Variants in KIF13B observed in about 807,000 individuals in gnomAD.
KIF13B encodes kinesin family member 13B.
KIF13B carries 127 observed loss-of-function variants against 222.0 expected under a neutral mutation model. The ratio of observed to expected loss-of-function variants is 0.57; its 90% CI spans 0.50 to 0.66. KIF13B has a LOEUF of 0.66. KIF13B is among the 30% of genes least tolerant of loss of function. KIF13B has a pLI of 0.00. For missense variants in KIF13B, 2,173 were observed against 2,379.0 expected (o/e 0.91, Z 1.80); for synonymous variants, 976 against 919.0 (o/e 1.06, Z -1.12).
intron 2 of KIF13B, among the ~76,000 whole-genome samples, chr8:29,241,600 T>C (rs1261705679): frequency 1.3e-5 from 2 of 150,498 alleles, no homozygotes; most frequent in African/African-American, 4.9e-5. Context: ...TTTGTGCTGG[T>C]GGCACGAACA....
intron 2 of KIF13B, among the ~76,000 whole-genome samples, chr8:29,237,564 T>C (rs1282031367): frequency 6.6e-6 from 1 of 152,164 alleles, no homozygotes; most frequent in African/African-American, 2.4e-5. Flanking sequence ...TTTTAAAAAG[T>C]TTATTCCTTC....
chr8:29,140,694 C>G (rs1225941216), intron 19 of KIF13B, 77 bp from the exon 20 acceptor site: 13 of 1,266,552 alleles, frequency 1.0e-5, no homozygotes, highest in African/African-American at 1.5e-5. Context: ...CTTTTTGATG[C>G]ACTCTAGGTT....
chr8:29,084,167 CG>C (rs1397418654), intron 37 of KIF13B, among the ~76,000 whole-genome samples: 1 of 152,196 alleles, frequency 6.6e-6, no homozygotes, highest in African/African-American at 2.4e-5. Context: ...CCGCCCACCT[CG>C]GCCTCCCAAA....
At chr8:29,093,419 T>C (rs1166823586) in intron 36 of KIF13B, among the ~76,000 whole-genome samples, 2 of 152,224 alleles carry the variant, frequency 1.3e-5, no homozygotes, top group African/African-American at 4.8e-5. Context: ...CTTACGTTCT[T>C]ACCTGCTGTT....
intron 18 of KIF13B, among the ~76,000 whole-genome samples, chr8:29,143,719 G>A (rs987800742): frequency 3.3e-5 from 5 of 151,942 alleles, no homozygotes; most frequent in African/African-American, 7.3e-5. Flanking sequence ...GGTGGTGGGC[G>A]CCTGTAGTCC....
intron 35 of KIF13B, among the ~76,000 whole-genome samples, chr8:29,106,626 C>A: frequency 1.2e-5 from 1 of 84,024 alleles, no homozygotes; most frequent in African/African-American, 4.9e-5. Flanking sequence ...GAGCGAAACT[C>A]TGTCTCAAAA....
rs755976005 is a variant in KIF13B at position 29,132,448 on chromosome 8, G to C, written c.2802C>G (p.Ile934Met). The C allele has an allele frequency of 3.3e-6, 5 of 1,530,140 alleles. No homozygotes were observed. Among genetic ancestry groups the C allele is most frequent in the Non-Finnish European group, 4.4e-6 (5 of 1,135,768 alleles). 94.8% of individuals were successfully genotyped at this position (1,530,140 alleles called of 1,614,324 possible). A position where few individuals can be genotyped will look rare whatever the true frequency, so the allele number is the denominator to read the frequency against. Residue 934 changes from isoleucine (I) to methionine (M), a missense_variant, in exon 23 of 40, where the codon ATC becomes ATG. Ile to Met is a conservative substitution (Grantham distance 10). Coordinates refer to ENST00000524189, the MANE Select transcript of KIF13B (RefSeq NM_015254.4). The stretch of plus-strand genomic sequence containing the variant: ...AAAGATGCTCGATAAAGTCTTCGGT[G>C]ATGTTAACAGAAAACTCCTGAAACA... ...FDHCNEFSVNITEDFIEHLSE... is the reference protein window; with the variant it reads ...FDHCNEFSVNMTEDFIEHLSE...
chr8:29,118,921 C>T lies in KIF13B; in HGVS notation c.3607G>A (p.Glu1203Lys). ...AGGWDATLTG[E>K]EEEEFFELQI... Reference sequence around the variant, plus strand: ...AATTCAAAGAACTCCTCTTCTTCTTCCCCAGTCAAGGTCGCATCCCATCCA... The same window carrying T: ...AATTCAAAGAACTCCTCTTCTTCTTTCCCAGTCAAGGTCGCATCCCATCCA... The change falls in exon 30 of 40, where the codon GAA becomes AAA. Residue 1203 changes from glutamate to lysine, a missense_variant. Glu to Lys is a moderately conservative substitution (Grantham distance 56). Around this residue, in one of 2 missense-constraint regions of KIF13B, gnomAD observed 1,480 missense variants for 1,722.8 expected, o/e 0.86. Transcript: ENST00000524189. 6.2e-7 allele frequency: 1 copy of T among 1,613,950 alleles called. No individual in the cohort carries two copies. Among genetic ancestry groups the T allele is most frequent in the Non-Finnish European group, 8.5e-7 (1 of 1,179,844 alleles).
intron 14 of KIF13B, among the ~76,000 whole-genome samples, chr8:29,154,613 T>G (rs1181788245): frequency 6.6e-6 from 1 of 152,134 alleles, no homozygotes; most frequent in Non-Finnish European, 1.5e-5. Context: ...GGTGAAGAAG[T>G]AGCAGTCACT....
At chr8:29,244,536 C>A (rs1468275988) in intron 2 of KIF13B, among the ~76,000 whole-genome samples, 3 of 152,170 alleles carry the variant, frequency 2.0e-5, no homozygotes, top group Non-Finnish European at 2.9e-5. Context: ...TCTACATTGC[C>A]AATCAACAAC....
intron 2 of KIF13B, among the ~76,000 whole-genome samples, chr8:29,229,374 T>C (rs1200934874): frequency 6.6e-6 from 1 of 152,214 alleles, no homozygotes; most frequent in Non-Finnish European, 1.5e-5. Flanking sequence ...CATGTGACCC[T>C]GGGAAGCCTT....
intron 25 of KIF13B, 99 bp downstream of exon 25, chr8:29,127,023 G>T: frequency 9.6e-7 from 1 of 1,046,500 alleles, no homozygotes; most frequent in Non-Finnish European, 1.4e-6. Flanking sequence ...GAGATTCACG[G>T]AAAGAAATGT....
intron 10 of KIF13B, among the ~76,000 whole-genome samples, 187 bp downstream of exon 10, chr8:29,175,881 T>A (rs1032904458): frequency 6.6e-6 from 1 of 152,188 alleles, no homozygotes; most frequent in African/African-American, 2.4e-5. Context: ...TAAGCTAGGA[T>A]GTGAATTGCT....
intron 1 of KIF13B, among the ~76,000 whole-genome samples, chr8:29,247,279 T>C (rs1428037847): frequency 2.0e-5 from 3 of 152,086 alleles, no homozygotes; most frequent in African/African-American, 7.2e-5. Flanking sequence ...TTCCAACTAC[T>C]GGGGAGGCTG....
At chr8:29,140,993 GAC>G (rs1294744031) in intron 19 of KIF13B, among the ~76,000 whole-genome samples, 1 of 152,158 alleles carries the variant, frequency 6.6e-6, no homozygotes, top group Non-Finnish European at 1.5e-5. Context: ...TTTTGGGAAA[GAC>G]AGTAATTCTT....
At chr8:29,167,276 A>C in intron 11 of KIF13B, 97 bp downstream of exon 11, 2 of 945,330 alleles carry the variant, frequency 2.1e-6, no homozygotes, top group East Asian at 2.6e-5. Flanking sequence ...AATTTTAAGT[A>C]GAGTACTCAT....
At chr8:29,229,554 T>A (rs1218047986) in intron 2 of KIF13B, among the ~76,000 whole-genome samples, 1 of 152,214 alleles carries the variant, frequency 6.6e-6, no homozygotes. Context: ...AATGAGAAGA[T>A]CCACAAACTA....
intron 38 of KIF13B, 36 bp downstream of exon 38, chr8:29,075,245 T>C: frequency 2.0e-6 from 3 of 1,529,990 alleles, no homozygotes; most frequent in Non-Finnish European, 2.7e-6. Context: ...CTGCTCGCTG[T>C]AGGTGGGGTG....
chr8:29,093,442 C>T (rs1808389281), intron 36 of KIF13B, among the ~76,000 whole-genome samples: 1 of 152,190 alleles, frequency 6.6e-6, no homozygotes, highest in South Asian at 2.1e-4. Flanking sequence ...TTTCCAAAGA[C>T]TGGGATCAGA....
Sources: allele counts gnomAD v4.1 joint callset (sites outside exome capture counted in the v4.1 genomes callset), GRCh38; gene constraint gnomAD v4.1.1; regional missense constraint gnomAD v4.1.1; transcripts MANE v1.5; gene names NCBI Gene and HGNC (gene_info 2026-07-23, HGNC 2026-07-21).